CALD1: variants seen among roughly 807,000 people sequenced by gnomAD.
CALD1 encodes caldesmon 1, also known as caldesmon.
In CALD1, 33 loss-of-function variants were observed where a neutral mutation model predicts 99.9. The observed-to-expected ratio is 0.33, with a 90% CI of 0.25 to 0.44. CALD1 has a LOEUF of 0.44. Ranked by LOEUF, CALD1 falls within the 20% of genes least tolerant of loss-of-function variation. The probability of loss-of-function intolerance (pLI) is 1.00; values close to 1 mark genes in which losing one functional copy is unlikely to be tolerated. For synonymous variants in CALD1, 310 were observed against 325.0 expected (o/e 0.95, Z 0.50); for missense variants, 861 against 962.1 (o/e 0.89, Z 1.39).
chr7:134,817,394 G>A (rs1047852198), intron 1 of CALD1, among the ~76,000 whole-genome samples: 15 of 152,106 alleles, frequency 9.9e-5, no homozygotes. Flanking sequence ...AAAGGTCCCA[G>A]GTACCCAGTT....
At chr7:134,931,444 G>T (rs1157245114) in intron 4 of CALD1, among the ~76,000 whole-genome samples, 1 of 152,102 alleles carries the variant, frequency 6.6e-6, no homozygotes. Flanking sequence ...CTAATTTCAT[G>T]GAGGCAATAT....
chr7:134,802,160 ATATGTCAACATATATGTG>A (rs1797971669), intron 1 of CALD1, among the ~76,000 whole-genome samples: 1 of 133,156 alleles, frequency 7.5e-6, no homozygotes, highest in African/African-American at 2.7e-5. Flanking sequence ...TTTGCCATAT[ATATGTCAACATATATGTG>A]TGTGTGTGTA....
intron 1 of CALD1, among the ~76,000 whole-genome samples, chr7:134,800,178 A>G (rs771344057): frequency 5.9e-5 from 9 of 152,220 alleles, no homozygotes; most frequent in Admixed American, 3.9e-4. Context: ...CAAAGTATTT[A>G]ATACAAATGT....
At chr7:134,924,709 A>G (rs961548535) in intron 3 of CALD1, among the ~76,000 whole-genome samples, 1 of 152,186 alleles carries the variant, frequency 6.6e-6, no homozygotes, top group Non-Finnish European at 1.5e-5. Flanking sequence ...ATCCATAGAT[A>G]TTTTGCCCCG....
chr7:134,756,145 C>T (rs1269745607), intron 1 of CALD1, among the ~76,000 whole-genome samples: 1 of 151,818 alleles, frequency 6.6e-6, no homozygotes, highest in Non-Finnish European at 1.5e-5. Context: ...CCCGCCACGG[C>T]CTCCCAAAGT....
chr7:134,815,472 T>G, intron 1 of CALD1, among the ~76,000 whole-genome samples: 1 of 152,142 alleles, frequency 6.6e-6, no homozygotes, highest in Admixed American at 6.5e-5. Flanking sequence ...CTGCTTGGGG[T>G]TTTGGTACAT....
chr7:134,842,234 T>C (rs934752663), intron 1 of CALD1, among the ~76,000 whole-genome samples: 3 of 152,220 alleles, frequency 2.0e-5, no homozygotes, highest in African/African-American at 2.4e-5. Context: ...AGGCCCTGGC[T>C]TTGAATACTG....
At chr7:134,882,689 G>C (rs2132437335) in intron 3 of CALD1, among the ~76,000 whole-genome samples, 1 of 152,306 alleles carries the variant, frequency 6.6e-6, no homozygotes, top group South Asian at 2.1e-4. Context: ...TAGGATAAGG[G>C]TAGGGCCAAT....
chr7:134,824,696 T>C (rs1296348453), intron 1 of CALD1, among the ~76,000 whole-genome samples: 1 of 152,230 alleles, frequency 6.6e-6, no homozygotes, highest in Non-Finnish European at 1.5e-5. Context: ...TGGCATTTGA[T>C]ACACAATTGG....
At chr7:134,864,009 C>T (rs1800681282) in intron 2 of CALD1, among the ~76,000 whole-genome samples, 2 of 152,138 alleles carry the variant, frequency 1.3e-5, no homozygotes, top group African/African-American at 2.4e-5. Flanking sequence ...ACACGCCTCT[C>T]GTCACATCAT....
intron 9 of CALD1, among the ~76,000 whole-genome samples, chr7:134,951,846 C>T (rs1210198992): frequency 6.6e-6 from 1 of 152,230 alleles, no homozygotes; most frequent in African/African-American, 2.4e-5. Flanking sequence ...CATTGAGCAT[C>T]TAGCACAGTG....
In CALD1 at chr7:134,933,681, A is replaced by G; in HGVS notation, c.912A>G (p.Gln304=). 6.3e-7 allele frequency: 1 copy of G among 1,590,006 alleles called. No individual in the cohort carries two copies. The highest frequency in any genetic ancestry group is 2.3e-5 in the East Asian group (1 of 44,294). ...AAGCAGAAGAAAAAGCAGCTGCCCA[A>G]GAAAGAGAAAGGAGAGAGGCAGAAG... ...RIEAEEKAAA[Q]ERERREAEER... The change falls in exon 5 of 15, where the codon CAA becomes CAG. Residue 304 remains glutamine, a synonymous_variant. Transcript: ENST00000361675.
chr7:134,844,419 G>C (rs1023433864), intron 2 of CALD1: 2 of 152,212 alleles, frequency 1.3e-5, no homozygotes, highest in Non-Finnish European at 2.9e-5. Flanking sequence ...TCTCTCACCT[G>C]GGAGGAAAAC....
At chr7:134,950,223 G>C in intron 8 of CALD1, 151 bp from the exon 9 acceptor site, 1 of 656,142 alleles carries the variant, frequency 1.5e-6, no homozygotes, top group East Asian at 2.7e-5. Context: ...CCAGCTCTCA[G>C]GCTAAACCTC....
intron 1 of CALD1, among the ~76,000 whole-genome samples, chr7:134,790,082 G>GGAGAGAGAGAGAGAGA (rs56962467): frequency 8.4e-5 from 12 of 142,316 alleles, no homozygotes; most frequent in African/African-American, 2.4e-4. Context: ...AAAGAAATAA[G>GGAGAGAGAGAGAGAGA]GAGAGAGAGA....
intron 3 of CALD1, among the ~76,000 whole-genome samples, chr7:134,879,497 G>T (rs1801499077): frequency 6.6e-6 from 1 of 152,152 alleles, no homozygotes; most frequent in African/African-American, 2.4e-5. Flanking sequence ...TATAAATAAA[G>T]TCTTTGGTTA....
chr7:134,824,163 T>C (rs1404706781), intron 1 of CALD1, among the ~76,000 whole-genome samples: 2 of 152,178 alleles, frequency 1.3e-5, no homozygotes, highest in Non-Finnish European at 2.9e-5. Flanking sequence ...TAATTCAAGT[T>C]TCAGAACTTA....
At position 134,950,501 on chromosome 7, in the gene CALD1, G is replaced by T. The variant is rs771492308; in HGVS notation, c.1922G>T (p.Gly641Val). The change falls in exon 9 of 15, where the codon GGT becomes GTT. Residue 641 changes from glycine (G) to valine (V), a missense_variant. Gly to Val is a moderately radical substitution (Grantham distance 109). Coordinates refer to ENST00000361675, the MANE Select transcript of CALD1 (RefSeq NM_033138.4). ...KKPFKCFTPK[G>V]SSLKIEERAE... ...CCATTCAAGTGTTTCACTCCTAAAG[G>T]TTCATCTCTCAAGGTATTTTTTTCC... 3.4e-5 allele frequency: 55 copies of T among 1,613,732 alleles called. No homozygotes were observed. The highest frequency in any genetic ancestry group is 4.2e-5 in the Non-Finnish European group (49 of 1,179,856).
the CALD1 span, among the ~76,000 whole-genome samples, chr7:134,731,487 G>C: frequency 1.4e-4 from 21 of 152,256 alleles, no homozygotes; most frequent in African/African-American, 4.6e-4. Flanking sequence ...TGATCAGTCA[G>C]TTACTGAATG....
Sources: gnomAD v4.1 joint callset for allele counts (sites outside exome capture counted in the v4.1 genomes callset) on GRCh38, gnomAD v4.1.1 for gene constraint, MANE v1.5 for transcripts, NCBI Gene and HGNC (gene_info 2026-07-23, HGNC 2026-07-21) for gene names.